The following CREM variants were observed in gnomAD, a reference collection of about 807,000 sequenced individuals.
The protein encoded by CREM is cAMP-responsive element modulator.
Under a neutral mutation model 37.3 loss-of-function variants are expected in CREM, and 13 were observed. The observed-to-expected ratio is 0.35, with a 90% CI of 0.23 to 0.55. CREM has a LOEUF of 0.55. CREM is among the 20% of genes least tolerant of loss of function. The pLI, the probability that CREM is intolerant of heterozygous loss-of-function variation, is 0.88. For synonymous variants in CREM, 124 were observed against 120.2 expected, an observed-to-expected ratio of 1.03 and a Z score of -0.21; for missense variants, 296 against 362.3, an observed-to-expected ratio of 0.82 and a Z score of 1.49.
At chr10:35,147,046 T>TGTG (rs1000347041) in intron 2 of CREM, among the ~76,000 whole-genome samples, 2 of 69,572 alleles carry the variant, frequency 2.9e-5, no homozygotes, top group African/African-American at 8.0e-5. Context: ...TTTGGGTTTT[T>TGTG]TTTTTTTTTT....
At chr10:35,158,819 TTG>T (rs1564838788) in intron 3 of CREM, among the ~76,000 whole-genome samples, 7 of 82,292 alleles carry the variant, frequency 8.5e-5, no homozygotes, top group African/African-American at 2.3e-4. Context: ...GTTGTTTTGT[TTG>T]TTTTTTTTTT....
intron 1 of CREM, among the ~76,000 whole-genome samples, chr10:35,136,749 C>T (rs540011034): frequency 4.0e-5 from 6 of 150,554 alleles, no homozygotes; most frequent in East Asian, 1.9e-4. Context: ...GGGATGAGCA[C>T]GATTGTTTTC....
intron 1 of CREM, among the ~76,000 whole-genome samples, chr10:35,134,763 C>T (rs2090146995): frequency 6.6e-6 from 1 of 152,134 alleles, no homozygotes; most frequent in African/African-American, 2.4e-5. Context: ...TTGAGCCTGG[C>T]ATGATGGCTC....
chr10:35,132,110 A>G (rs2089508835), intron 1 of CREM, among the ~76,000 whole-genome samples: 1 of 151,428 alleles, frequency 6.6e-6, no homozygotes, highest in Non-Finnish European at 1.5e-5. Flanking sequence ...CTGAGGCAGG[A>G]GAATCGCTTG....
intron 3 of CREM, among the ~76,000 whole-genome samples, chr10:35,157,987 C>T (rs958963123): frequency 5.9e-5 from 9 of 151,778 alleles, no homozygotes; most frequent in African/African-American, 2.2e-4. Flanking sequence ...ACTCTATTTA[C>T]AATAGCTATG....
rs747859431 is a variant in CREM at position 35,148,405 on chromosome 10, G to A, written c.82G>A (p.Gly28Arg). 6.2e-7 allele frequency: 1 copy of A among 1,613,170 alleles called. No homozygotes were observed. Among genetic ancestry groups the A allele is most frequent in the African/African-American group, 1.3e-5 (1 of 74,900 alleles). Residue 28 changes from glycine to arginine, a missense_variant, in exon 3 of 8, where the codon GGA (glycine) becomes AGA (arginine). Physicochemically the swap from Gly to Arg is moderately radical, Grantham distance 125 (BLOSUM62 -2). Around this residue, in one of 2 missense-constraint regions of CREM, gnomAD observed 257 missense variants for 280.2 expected, o/e 0.92. Coordinates refer to ENST00000685392, the MANE Select transcript of CREM (RefSeq NM_183011.2). ...TMETVESQHD[G>R]SITASLTESK... Reference sequence around the variant, plus strand: ...GGAAACAGTTGAATCCCAGCATGATGGAAGTATAACAGCTTCTTTGACAGA... The same window carrying A: ...GGAAACAGTTGAATCCCAGCATGATAGAAGTATAACAGCTTCTTTGACAGA...
intron 3 of CREM, among the ~76,000 whole-genome samples, chr10:35,177,866 T>G (rs1362217547): frequency 6.6e-6 from 1 of 152,198 alleles, no homozygotes; most frequent in Non-Finnish European, 1.5e-5. Context: ...AAATATTTAA[T>G]ATTTGGTGGT....
chr10:35,157,416 A>C (rs929812897), intron 3 of CREM, among the ~76,000 whole-genome samples: 2 of 152,074 alleles, frequency 1.3e-5, no homozygotes, highest in African/African-American at 4.8e-5. Context: ...GGATCGCTGG[A>C]GCCCAAGAGT....
intron 3 of CREM, among the ~76,000 whole-genome samples, chr10:35,172,981 A>G (rs1035300665): frequency 2.0e-5 from 3 of 152,230 alleles, no homozygotes; most frequent in African/African-American, 4.8e-5. Context: ...TGCATCTGCC[A>G]TTGTGAGCTT....
intron 5 of CREM, among the ~76,000 whole-genome samples, chr10:35,185,342 G>A (rs1287214697): frequency 6.6e-6 from 1 of 151,976 alleles, no homozygotes; most frequent in African/African-American, 2.4e-5. Flanking sequence ...GACCTCAGGT[G>A]ATCCACCAAC....
chr10:35,148,591 C>G, intron 3 of CREM, 100 bp downstream of exon 3: 1 of 1,287,950 alleles, frequency 7.8e-7, no homozygotes, highest in Non-Finnish European at 1.1e-6. Flanking sequence ...TTTCCATGTT[C>G]CCTGGTTATC....
chr10:35,163,172 C>T (rs911037930), intron 3 of CREM, among the ~76,000 whole-genome samples: 2 of 151,864 alleles, frequency 1.3e-5, no homozygotes, highest in South Asian at 2.1e-4. Flanking sequence ...ATCATGCCAC[C>T]GCACTCCAGC....
chr10:35,180,084 A>G (rs2094289790), intron 5 of CREM, among the ~76,000 whole-genome samples: 1 of 152,176 alleles, frequency 6.6e-6, no homozygotes, highest in Non-Finnish European at 1.5e-5. Context: ...GTCTAAATCA[A>G]TTTCCCATGT....
At chr10:35,152,915 A>G (rs2092683764) in intron 3 of CREM, among the ~76,000 whole-genome samples, 1 of 152,198 alleles carries the variant, frequency 6.6e-6, no homozygotes, top group African/African-American at 2.4e-5. Context: ...TAGAAGAATG[A>G]TTCCACATAT....
In CREM at chr10:35,211,517, A is replaced by G. The variant is rs770372706; in HGVS notation, c.*119A>G. Reference sequence around the variant, plus strand: ...GACCCTTAAGAATCCAGTTTGGATTAGTGTTTGAAATTGAATTGGGAATGT... The same window carrying G: ...GACCCTTAAGAATCCAGTTTGGATTGGTGTTTGAAATTGAATTGGGAATGT... On this transcript the variant is annotated 3_prime_UTR_variant, in exon 8 of 8. Transcript: ENST00000685392. 2.3e-5 allele frequency: 34 copies of G among 1,490,484 alleles called. No individual in the cohort carries two copies. Among genetic ancestry groups the G allele is most frequent in the Admixed American group, 4.1e-5 (2 of 48,816 alleles). 92.3% of individuals were successfully genotyped at this position (1,490,484 alleles called of 1,614,324 possible).
chr10:35,208,252 G>T (rs935505832), intron 7 of CREM, among the ~76,000 whole-genome samples: 7 of 151,898 alleles, frequency 4.6e-5, no homozygotes, highest in African/African-American at 1.7e-4. Context: ...AACCACTTAG[G>T]ATACCTCCTA....
intron 3 of CREM, chr10:35,175,492 G>C (rs2094012726): frequency 1.7e-6 from 1 of 586,198 alleles, no homozygotes. Context: ...TTTCTCTGAA[G>C]AAGTTAGAGG....
intron 3 of CREM, among the ~76,000 whole-genome samples, chr10:35,177,827 A>C (rs2094160816): frequency 6.6e-6 from 1 of 152,204 alleles, no homozygotes; most frequent in South Asian, 2.1e-4. Context: ...ATTCTATGAC[A>C]GATGTGTGAC....
chr10:35,201,501 T>C, intron 6 of CREM: 1 of 1,551,656 alleles, frequency 6.4e-7, no homozygotes, highest in Non-Finnish European at 8.7e-7. Context: ...GTGGCAGAGC[T>C]GGACTAGAAC....
Sources: allele counts gnomAD v4.1 joint callset (sites outside exome capture counted in the v4.1 genomes callset), GRCh38; gene constraint gnomAD v4.1.1; regional missense constraint gnomAD v4.1.1; transcripts MANE v1.5; gene names NCBI Gene and HGNC (gene_info 2026-07-23, HGNC 2026-07-21).